Variants in CHST3 observed in about 807,000 individuals in gnomAD.
CHST3 encodes the protein C6ST-1.
In CHST3, 20 loss-of-function variants were observed where a neutral mutation model predicts 35.4. The observed-to-expected ratio is 0.57, with a 90% CI of 0.40 to 0.82. The LOEUF is 0.82. Among genes scored for constraint, CHST3 ranks in the 40% least tolerant of loss-of-function variants. The probability of loss-of-function intolerance (pLI) is 0.00; values close to 1 mark genes in which losing one functional copy is unlikely to be tolerated. For synonymous variants in CHST3, 334 were observed against 295.9 expected, an observed-to-expected ratio of 1.13 and a Z score of -1.32; for missense variants, 693 against 670.1, an observed-to-expected ratio of 1.03 and a Z score of -0.38.
intron 1 of CHST3, among the ~76,000 whole-genome samples, chr10:71,998,521 C>T (rs1445412833): frequency 6.6e-6 from 1 of 152,272 alleles, no homozygotes; most frequent in Non-Finnish European, 1.5e-5. Context: ...CCTGCACTTC[C>T]TGCAGCTGTT....
In CHST3 at chr10:72,008,190, C is replaced by A. The variant is rs1467965601; in HGVS notation, c.1159C>A (p.Arg387Ser). The A allele has an allele frequency of 6.5e-7, 1 of 1,549,842 alleles. No homozygotes were observed. The highest frequency in any genetic ancestry group is 1.2e-5 in the South Asian group (1 of 84,050). ...GPLQKAREMY[R>S]FAGIPLTPQV... ...GCTGCAGAAGGCCCGCGAGATGTACCGCTTCGCCGGCATCCCCCTGACCCC... is the reference window on the plus strand; with the variant it reads ...GCTGCAGAAGGCCCGCGAGATGTACAGCTTCGCCGGCATCCCCCTGACCCC... The change falls in exon 3 of 3, where the codon CGC (arginine) becomes AGC (serine). Residue 387 changes from arginine (R) to serine (S), a missense_variant. Arg to Ser is a moderately radical substitution (Grantham distance 110, BLOSUM62 -1). Transcript: ENST00000373115.
chr10:71,997,406 C>T (rs1014513261), intron 1 of CHST3, among the ~76,000 whole-genome samples: 1 of 152,158 alleles, frequency 6.6e-6, no homozygotes, highest in Non-Finnish European at 1.5e-5. Flanking sequence ...TCAAACATCT[C>T]GTGGGTGTCA....
chr10:71,985,833 A>G (rs1564527067), intron 1 of CHST3, among the ~76,000 whole-genome samples: 1 of 152,194 alleles, frequency 6.6e-6, no homozygotes, highest in South Asian at 2.1e-4. Context: ...GACTTCATAC[A>G]GAATCCCCTG....
In CHST3 at chr10:72,004,555, A is replaced by C. The variant is rs1840020765; in HGVS notation, c.-107-1181A>C. Among the ~76,000 whole-genome samples the C allele has an allele frequency of 2.0e-5, 3 of 152,136 alleles. No homozygotes were observed. In the South Asian group the frequency reaches 6.2e-4, roughly 32 times the overall value. ...ATAATTTACGTATACACATGGTAAA[A>C]TGTGTAACAAGGCACAGTGTTACAT... On this transcript the variant is annotated intron_variant, in intron 1 of 2. Transcript: ENST00000373115.
intron 1 of CHST3, among the ~76,000 whole-genome samples, chr10:71,990,183 A>T (rs1839884561): frequency 6.6e-6 from 1 of 152,092 alleles, no homozygotes; most frequent in Non-Finnish European, 1.5e-5. Flanking sequence ...AATACCATAC[A>T]CTGAGAAACT....
intron 2 of CHST3, 79 bp from the exon 3 acceptor site, chr10:72,007,093 G>A (rs1840045735): frequency 2.0e-6 from 3 of 1,516,462 alleles, no homozygotes; most frequent in Middle Eastern, 3.4e-4. Flanking sequence ...TTGGTGATCT[G>A]CTTGGAGGAC....
Position 72,008,696 on chromosome 10 carries a change from T to A in CHST3, c.*225T>A. On this transcript the variant is annotated 3_prime_UTR_variant, in exon 3 of 3. Transcript: ENST00000373115. Reference sequence around the variant, plus strand: ...GCCATCACACCCAGACCCAACGGGTTGCAGCCTCCTGAGCAGGCCTAGGCA... The same window carrying A: ...GCCATCACACCCAGACCCAACGGGTAGCAGCCTCCTGAGCAGGCCTAGGCA... The A allele has an allele frequency of 1.1e-6, 1 of 881,680 alleles. No individual in the cohort carries two copies. Among genetic ancestry groups the A allele is most frequent in the Non-Finnish European group, 1.6e-6 (1 of 619,872 alleles). The allele number at this position is 881,680 out of a possible 1,614,324, so 54.6% of individuals were successfully genotyped here. A position where few individuals can be genotyped will look rare whatever the true frequency, so the allele number is the denominator to read the frequency against.
intron 1 of CHST3, among the ~76,000 whole-genome samples, chr10:71,974,425 T>C (rs1839725624): frequency 6.6e-6 from 1 of 152,150 alleles, no homozygotes; most frequent in Non-Finnish European, 1.5e-5. Context: ...AGGTCTGCTG[T>C]CGCTTGAGTC....
At chr10:71,976,443 ACTCTGGC>A in intron 1 of CHST3, among the ~76,000 whole-genome samples, 1 of 151,914 alleles carries the variant, frequency 6.6e-6, no homozygotes, top group South Asian at 2.1e-4. Flanking sequence ...AGTTTGTACA[ACTCTGGC>A]CCCTACCCCA....
At chr10:71,998,562 AGT>A (rs1376238526) in intron 1 of CHST3, among the ~76,000 whole-genome samples, 1 of 152,234 alleles carries the variant, frequency 6.6e-6, no homozygotes, top group Non-Finnish European at 1.5e-5. Flanking sequence ...GGAGCAAGAA[AGT>A]GTGCTCCCCC....
intron 1 of CHST3, among the ~76,000 whole-genome samples, chr10:71,983,054 C>A (rs1470978509): frequency 6.6e-6 from 1 of 152,150 alleles, no homozygotes; most frequent in Non-Finnish European, 1.5e-5. Context: ...GCTGGTGAGG[C>A]TTGTTTGGCC....
intron 2 of CHST3, among the ~76,000 whole-genome samples, chr10:72,006,954 T>C (rs1363893766): frequency 6.6e-6 from 1 of 152,248 alleles, no homozygotes; most frequent in Non-Finnish European, 1.5e-5. Flanking sequence ...ACATCCATCA[T>C]GCACCTCTTT....
Position 72,008,673 on chromosome 10 carries a change from C to A in CHST3, c.*202C>A. Reference sequence around the variant, plus strand: ...GACAGTGCCCGGTCCCCTTGAGGGCCATCACACCCAGACCCAACGGGTTGC... The same window carrying A: ...GACAGTGCCCGGTCCCCTTGAGGGCAATCACACCCAGACCCAACGGGTTGC... On this transcript the variant is annotated 3_prime_UTR_variant, in exon 3 of 3. Transcript: ENST00000373115. The A allele has an allele frequency of 8.8e-7, 1 of 1,132,200 alleles. No individual in the cohort carries two copies. Among genetic ancestry groups the A allele is most frequent in the Non-Finnish European group, 1.2e-6 (1 of 838,464 alleles). The allele number at this position is 1,132,200 out of a possible 1,614,324, so 70.1% of individuals were successfully genotyped here.
chr10:71,998,596 G>T (rs1256401593), intron 1 of CHST3, among the ~76,000 whole-genome samples: 1 of 152,254 alleles, frequency 6.6e-6, no homozygotes, highest in African/African-American at 2.4e-5. Context: ...CAGGCATAAA[G>T]GGCCGAGGGG....
chr10:71,969,840 C>T (rs1298162221), intron 1 of CHST3, among the ~76,000 whole-genome samples: 1 of 152,324 alleles, frequency 6.6e-6, no homozygotes, highest in South Asian at 2.1e-4. Context: ...CTGCTGGGAA[C>T]TCCTAGAGTG....
chr10:71,987,439 C>T (rs957742017), intron 1 of CHST3, among the ~76,000 whole-genome samples: 6 of 152,066 alleles, frequency 3.9e-5, no homozygotes, highest in African/African-American at 1.4e-4. Flanking sequence ...AGGAGACCGA[C>T]GCAGTGACTC....
intron 1 of CHST3, among the ~76,000 whole-genome samples, chr10:71,976,318 A>G (rs1405317372): frequency 6.6e-6 from 1 of 152,024 alleles, no homozygotes; most frequent in African/African-American, 2.4e-5. Flanking sequence ...GCACATTGCC[A>G]TTGCTCTCAG....
intron 1 of CHST3, among the ~76,000 whole-genome samples, chr10:72,003,466 G>A (rs535828194): frequency 1.5e-4 from 23 of 152,214 alleles, no homozygotes; most frequent in South Asian, 4.2e-4. Context: ...TTGGGAGGCC[G>A]AGGCAAGCAG....
intron 1 of CHST3, among the ~76,000 whole-genome samples, chr10:71,991,713 A>G (rs1215709093): frequency 6.6e-6 from 1 of 152,156 alleles, no homozygotes; most frequent in East Asian, 1.9e-4. Context: ...CAGGCGGATC[A>G]CCTGAGGTCA....
Sources: allele counts gnomAD v4.1 joint callset (sites outside exome capture counted in the v4.1 genomes callset), GRCh38; gene constraint gnomAD v4.1.1; transcripts MANE v1.5; gene names NCBI Gene and HGNC (gene_info 2026-07-23, HGNC 2026-07-21).